PSMD2: variants seen among roughly 807,000 people sequenced by gnomAD.
The protein encoded by PSMD2 is proteasome 26S subunit ubiquitin receptor, non-ATPase 2.
In PSMD2, 8 loss-of-function variants were observed where a neutral mutation model predicts 101.5. That is an observed-to-expected ratio of 0.08 (90% CI 0.05 to 0.14). The LOEUF is 0.14. Among genes scored for constraint, PSMD2 ranks in the 10% least tolerant of loss-of-function variants. The probability of loss-of-function intolerance (pLI) is 1.00; values close to 1 mark genes in which losing one functional copy is unlikely to be tolerated. For missense variants in PSMD2, 784 were observed against 1,147.4 expected, an observed-to-expected ratio of 0.68 and a Z score of 4.58; for synonymous variants, 418 against 433.8, an observed-to-expected ratio of 0.96 and a Z score of 0.45.
Position 184,303,657 on chromosome 3 carries a change from G to A in PSMD2, c.1231G>A (p.Ala411Thr). The A allele has an allele frequency of 6.2e-7, 1 of 1,614,234 alleles. No individual in the cohort carries two copies. The highest frequency in any genetic ancestry group is 8.5e-7 in the Non-Finnish European group (1 of 1,180,050). The change falls in exon 10 of 21, where the codon GCT becomes ACT. Residue 411 changes from alanine to threonine, a missense_variant. Transcript: ENST00000310118. ...CCCTGGTATAGGAATGTTGAGTGCA[G>A]CTGCATCTCTTGGGATGATTCTGCT... ...KNKDHGMLSA[A>T]ASLGMILLWD...
At chr3:184,307,753 G>A in intron 18 of PSMD2, 45 bp downstream of exon 18, 3 of 1,607,146 alleles carry the variant, frequency 1.9e-6, no homozygotes, top group Non-Finnish European at 2.6e-6. Flanking sequence ...GGAAGTATCT[G>A]TGGTGATGGA....
In PSMD2 at chr3:184,302,028, A is replaced by G; in HGVS notation, c.661A>G (p.Ile221Val). ...GCAGGTGGACATGCTGGAGAAGGAC[A>G]TTGATGAAAATGCATATGCAAAGGT... ...IEQVDMLEKD[I>V]DENAYAKVCL... The change falls in exon 5 of 21, where the codon ATT (isoleucine) becomes GTT (valine). Residue 221 changes from isoleucine to valine, a missense_variant. Ile to Val is a conservative substitution (Grantham distance 29). Around this residue, in one of 6 missense-constraint regions of PSMD2, gnomAD observed 208 missense variants for 301.6 expected, o/e 0.69. Coordinates refer to ENST00000310118, the MANE Select transcript of PSMD2 (RefSeq NM_002808.5). 6.2e-7 allele frequency: 1 copy of G among 1,614,232 alleles called. No homozygotes were observed. The highest frequency in any genetic ancestry group is 2.2e-5 in the East Asian group (1 of 44,886).
At position 184,304,157 on chromosome 3, in the gene PSMD2, G is replaced by A; in HGVS notation, c.1451+83G>A. The A allele has an allele frequency of 6.3e-7, 1 of 1,581,490 alleles. No individual in the cohort carries two copies. The highest frequency in any genetic ancestry group is 1.1e-5 in the South Asian group (1 of 90,248). ...GAACTGGGCCCTTTTCACCCATATT[G>A]CCAAGGGCTACCACTGTGCCTATTG... On this transcript the variant is annotated intron_variant, in intron 11 of 20. Coordinates refer to ENST00000310118, the MANE Select transcript of PSMD2 (RefSeq NM_002808.5). This position sits in a 1 kb window ranked among gnomAD's most constrained non-coding sequence, Gnocchi z 4.1.
intron 12 of PSMD2, among the ~76,000 whole-genome samples, chr3:184,305,056 C>A (rs1018283771): frequency 6.6e-6 from 1 of 152,154 alleles, no homozygotes; most frequent in Non-Finnish European, 1.5e-5. Flanking sequence ...TGTGCAGAGT[C>A]ATTAATGGAT....
rs1421957372 is a variant in PSMD2 at position 184,308,931 on chromosome 3, C to T, written c.*41C>T. The T allele has an allele frequency of 1.3e-6, 2 of 1,574,402 alleles. No individual in the cohort carries two copies. Among genetic ancestry groups the T allele is most frequent in the African/African-American group, 1.3e-5 (1 of 74,180 alleles). Reference sequence around the variant, plus strand: ...TCTGAACTGCAGCTGATGTTATCAGCAGGCCATGCATCCTGCTGCCAAGGG... The same window carrying T: ...TCTGAACTGCAGCTGATGTTATCAGTAGGCCATGCATCCTGCTGCCAAGGG... On this transcript the variant is annotated 3_prime_UTR_variant, in exon 21 of 21. Transcript: ENST00000310118. The surrounding 1 kb of genome is among the most constrained non-coding windows in gnomAD (Gnocchi z 6.0).
At position 184,304,493 on chromosome 3, in the gene PSMD2, C is replaced by A; in HGVS notation, c.1539+102C>A. The A allele has an allele frequency of 8.7e-7, 1 of 1,151,844 alleles. No homozygotes were observed. The highest frequency in any genetic ancestry group is 1.3e-6 in the Non-Finnish European group (1 of 771,706). 71.4% of individuals were successfully genotyped at this position (1,151,844 alleles called of 1,614,324 possible). On this transcript the variant is annotated intron_variant, in intron 12 of 20. Transcript: ENST00000310118. The surrounding 1 kb of genome is among the most constrained non-coding windows in gnomAD (Gnocchi z 4.1). Reference sequence around the variant, plus strand: ...AAAGAAGTAAGTGTGTGCATGTGTGCATACATGTACATGCCTGTTGGTGTG... The same window carrying A: ...AAAGAAGTAAGTGTGTGCATGTGTGAATACATGTACATGCCTGTTGGTGTG...
At position 184,303,475 on chromosome 3, in the gene PSMD2, C is replaced by A; in HGVS notation, c.1216+9C>A. 6.2e-7 allele frequency: 1 copy of A among 1,613,084 alleles called. No homozygotes were observed. The highest frequency in any genetic ancestry group is 8.5e-7 in the Non-Finnish European group (1 of 1,179,544). On this transcript the variant is annotated intron_variant, in intron 9 of 20. Coordinates refer to ENST00000310118, the MANE Select transcript of PSMD2 (RefSeq NM_002808.5). Reference sequence around the variant, plus strand: ...CAAGAACAAGGACCACGGTATAATTCTGTTCCTGCTTTGTCTTTTGTTTTG... The same window carrying A: ...CAAGAACAAGGACCACGGTATAATTATGTTCCTGCTTTGTCTTTTGTTTTG...
chr3:184,307,544 A>G lies in PSMD2; in HGVS notation c.2203+19A>G. ...GGCAGTGGTGAGTATCCGGCAGAAG[A>G]AGGTCATAAACAGATTGGGGGAAGA... On this transcript the variant is annotated intron_variant, in intron 17 of 20. Transcript: ENST00000310118. 6.2e-7 allele frequency: 1 copy of G among 1,614,174 alleles called. No homozygotes were observed. Among genetic ancestry groups the G allele is most frequent in the South Asian group, 1.1e-5 (1 of 91,084 alleles).
In PSMD2 at chr3:184,307,386, G is replaced by A. The variant is rs761740401; in HGVS notation, c.2064G>A (p.Arg688=). 6.2e-7 allele frequency: 1 copy of A among 1,614,126 alleles called. No individual in the cohort carries two copies. The change falls in exon 17 of 21, where the codon AGG becomes AGA. Residue 688 remains arginine, a synonymous_variant. Coordinates refer to ENST00000310118, the MANE Select transcript of PSMD2 (RefSeq NM_002808.5). ...LLRYGEPTLR[R]AVPLALALIS... is the part of the protein sequence containing the mutation. ...GATATGGGGAGCCTACACTCCGGAG[G>A]GCTGTACCTTTAGCACTGGCCCTCA...
chr3:184,302,201 G>T, intron 5 of PSMD2, 130 bp downstream of exon 5: 1 of 1,210,426 alleles, frequency 8.3e-7, no homozygotes. Context: ...CTTTTGATGT[G>T]TGTGAGTTTC....
At position 184,301,650 on chromosome 3, in the gene PSMD2, G is replaced by A. The variant is rs1322140323; in HGVS notation, c.471G>A (p.Glu157=). 1.7e-5 allele frequency: 28 copies of A among 1,614,084 alleles called. No individual in the cohort carries two copies. The highest frequency in any genetic ancestry group is 2.3e-5 in the Non-Finnish European group (27 of 1,180,046). ...AGGAATTGGCATCATGGGGTCATGA[G>A]TATGTCAGGTAAGATCTTTCTTCTT... ...SQEELASWGH[E]YVRHLAGEVA... is the part of the protein sequence containing the mutation. The change falls in exon 4 of 21, where the codon GAG becomes GAA. Residue 157 remains glutamate (E), a synonymous_variant. Coordinates refer to ENST00000310118, the MANE Select transcript of PSMD2 (RefSeq NM_002808.5).
chr3:184,299,760 G>A, intron 1 of PSMD2, 91 bp from the exon 2 acceptor site: 1 of 1,081,980 alleles, frequency 9.2e-7, no homozygotes, highest in Non-Finnish European at 1.4e-6. Flanking sequence ...TCCTAAGGAG[G>A]CAGGCTTATT....
chr3:184,302,748 C>T lies in PSMD2; in HGVS notation c.933C>T (p.Val311=), dbSNP rs141945076. ...TGTTCCTGGAGCTGAGTGAAGATGT[C>T]GAGGAGTATGAGGACCTGACAGAGA... ...HGVFLELSED[V]EEYEDLTEIM... The change falls in exon 7 of 21, where the codon GTC becomes GTT. Residue 311 remains valine, a synonymous_variant. Transcript: ENST00000310118. 3.7e-5 allele frequency: 60 copies of T among 1,613,934 alleles called. No individual in the cohort carries two copies. Among genetic ancestry groups the T allele is most frequent in the Middle Eastern group, 1.6e-4 (1 of 6,082 alleles).
chr3:184,300,480 A>G (rs1428908160), intron 3 of PSMD2, 36 bp downstream of exon 3: 1 of 1,600,952 alleles, frequency 6.2e-7, no homozygotes, highest in Admixed American at 1.7e-5. Flanking sequence ...GGCCTAGTTT[A>G]GGAATTCCTT....
rs1201314326 is a variant in PSMD2 at position 184,305,920 on chromosome 3, C to T, written c.1692C>T (p.Leu564=). Residue 564 remains leucine (L), a synonymous_variant, in exon 13 of 21, where the codon CTC becomes CTT. Coordinates refer to ENST00000310118, the MANE Select transcript of PSMD2 (RefSeq NM_002808.5). ...YARWLPLGLG[L]NHLGKGEAIE... The stretch of plus-strand genomic sequence containing the variant: ...GTTGGCTTCCTCTTGGACTGGGTCT[C>T]AACCACCTGGGTGAGGGGATGTTTC... The T allele has an allele frequency of 6.2e-7, 1 of 1,614,152 alleles. No individual in the cohort carries two copies. Among genetic ancestry groups the T allele is most frequent in the Non-Finnish European group, 8.5e-7 (1 of 1,180,028 alleles).
In PSMD2 at chr3:184,304,394, G is replaced by A. The variant is rs1721755491; in HGVS notation, c.1539+3G>A. The A allele has an allele frequency of 2.5e-6, 4 of 1,613,264 alleles. No homozygotes were observed. The highest frequency in any genetic ancestry group is 3.4e-6 in the Non-Finnish European group (4 of 1,179,188). ...GAGATTCAAAGTCCAGCATGGAGGT[G>A]AGTAGAGGCTATTGAGCATTTAGAG... On this transcript the variant is annotated splice_donor_region_variant and intron_variant, in intron 12 of 20. Coordinates refer to ENST00000310118, the MANE Select transcript of PSMD2 (RefSeq NM_002808.5). The surrounding 1 kb of genome is among the most constrained non-coding windows in gnomAD (Gnocchi z 4.1).
At position 184,301,901 on chromosome 3, in the gene PSMD2, G is replaced by T; in HGVS notation, c.534G>T (p.Lys178Asn). ...GGCAGGAGCTGGATGACGCAGAGAAGGTCCAGCGGGAGCCTCTGCTCACTC... is the reference window on the plus strand; with the variant it reads ...GGCAGGAGCTGGATGACGCAGAGAATGTCCAGCGGGAGCCTCTGCTCACTC... Reference protein sequence around the residue: ...KEWQELDDAEKVQREPLLTLV... With the variant: ...KEWQELDDAENVQREPLLTLV... Residue 178 changes from lysine to asparagine, a missense_variant, in exon 5 of 21, where the codon AAG becomes AAT. By Grantham distance (94) the Lys-to-Asn change is moderately conservative. Around this residue, in one of 6 missense-constraint regions of PSMD2, gnomAD observed 208 missense variants for 301.6 expected, o/e 0.69. Transcript: ENST00000310118. 6.2e-7 allele frequency: 1 copy of T among 1,614,216 alleles called. No individual in the cohort carries two copies. The highest frequency in any genetic ancestry group is 1.6e-4 in the Middle Eastern group (1 of 6,062).
chr3:184,304,283 G>A lies in PSMD2; in HGVS notation c.1452-21G>A, dbSNP rs369285352. On this transcript the variant is annotated intron_variant, in intron 11 of 20. Transcript: ENST00000310118. This position sits in a 1 kb window ranked among gnomAD's most constrained non-coding sequence, Gnocchi z 4.1. ...CATCGTTGGGTATGTGTTGGGGACC[G>A]CCTTTCCATGGCTTTTGCAGGCTAG... The A allele has an allele frequency of 1.2e-5, 20 of 1,612,534 alleles. No individual in the cohort carries two copies. The highest frequency in any genetic ancestry group is 3.3e-5 in the South Asian group (3 of 91,056).
intron 3 of PSMD2, 39 bp from the exon 4 acceptor site, chr3:184,301,498 A>G (rs1397205574): frequency 1.2e-6 from 2 of 1,610,894 alleles, no homozygotes; most frequent in South Asian, 1.1e-5. Context: ...TTTATGCTGG[A>G]CTGCTGGGTT....
Sources: allele counts gnomAD v4.1 joint callset (sites outside exome capture counted in the v4.1 genomes callset), GRCh38; gene constraint gnomAD v4.1.1; regional missense constraint gnomAD v4.1.1; non-coding constraint Gnocchi (gnomAD v3.1); transcripts MANE v1.5; gene names NCBI Gene and HGNC (gene_info 2026-07-23, HGNC 2026-07-21).